CMSS1: variants seen among roughly 807,000 people sequenced by gnomAD.
CMSS1 encodes the protein cms1 ribosomal small subunit homolog.
CMSS1 carries 33 observed loss-of-function variants against 43.5 expected under a neutral mutation model. That is an observed-to-expected ratio of 0.76 (90% CI 0.57 to 1.01). CMSS1 has a LOEUF of 1.01. CMSS1 is among the 50% of genes least tolerant of loss of function. The pLI is 0.00. For missense variants in CMSS1, 313 were observed against 326.4 expected (o/e 0.96, Z 0.32); for synonymous variants, 115 against 117.2 (o/e 0.98, Z 0.12).
chr3:99,985,493 G>C (rs926496585), intron 1 of CMSS1, among the ~76,000 whole-genome samples: 2 of 151,998 alleles, frequency 1.3e-5, no homozygotes, highest in Non-Finnish European at 2.9e-5. Context: ...GCAAGACCCT[G>C]TCTCAAAAAA....
rs537649887 is a variant in CMSS1, at chr3:99,964,517, A to C, written c.64+146474A>C. 2.6e-5 allele frequency: 4 copies of C among 152,414 alleles called. No homozygotes were observed. In the South Asian group the frequency reaches 8.4e-4, roughly 32 times the overall value. 9.4% of individuals were successfully genotyped at this position (152,414 alleles called of 1,614,324 possible). A position where few individuals can be genotyped will look rare whatever the true frequency, so the allele number is the denominator to read the frequency against. The stretch of plus-strand genomic sequence containing the variant: ...AGGGCTCAGAGCTAGGTAGTGAGAA[A>C]GCCTGTGCCAAAACCCAAATCTCAT... On this transcript the variant is annotated intron_variant, in intron 1 of 9. Coordinates refer to ENST00000421999, the MANE Select transcript of CMSS1 (RefSeq NM_032359.4).
At chr3:99,975,078 G>C (rs535808040) in intron 1 of CMSS1, among the ~76,000 whole-genome samples, 2 of 152,282 alleles carry the variant, frequency 1.3e-5, no homozygotes, top group African/African-American at 4.8e-5. Flanking sequence ...ACTATACTGA[G>C]CATCTTAGAT....
At chr3:100,167,673 T>G in intron 5 of CMSS1, 65 bp from the exon 6 acceptor site, 1 of 941,042 alleles carries the variant, frequency 1.1e-6, no homozygotes, top group South Asian at 1.6e-5. Flanking sequence ...GAAGAAATGC[T>G]CAACTTGGGA....
intron 1 of CMSS1, among the ~76,000 whole-genome samples, chr3:99,844,733 T>C (rs1183862208): frequency 6.6e-6 from 1 of 152,172 alleles, no homozygotes; most frequent in Non-Finnish European, 1.5e-5. Context: ...CTCACCCAAA[T>C]CTCCTAACTG....
At chr3:100,091,297 A>G (rs908305309) in intron 1 of CMSS1, among the ~76,000 whole-genome samples, 6 of 151,902 alleles carry the variant, frequency 3.9e-5, no homozygotes, top group South Asian at 2.1e-4. Flanking sequence ...AAAAAAAAAA[A>G]AAAAAGAAAA....
At chr3:100,041,212 A>G (rs1390942005) in intron 1 of CMSS1, 2 of 152,136 alleles carry the variant, frequency 1.3e-5, no homozygotes, top group Non-Finnish European at 2.9e-5. Flanking sequence ...CAAACAAGCT[A>G]TGGAATCTAC....
At chr3:100,102,199 G>A (rs969158990) in intron 1 of CMSS1, among the ~76,000 whole-genome samples, 113 of 152,164 alleles carry the variant, frequency 7.4e-4, no homozygotes, top group African/African-American at 2.1e-3. Context: ...TCACCACACC[G>A]ACTTCCACAA....
intron 1 of CMSS1, among the ~76,000 whole-genome samples, chr3:99,841,007 G>A (rs1379144259): frequency 1.3e-5 from 2 of 152,210 alleles, no homozygotes; most frequent in African/African-American, 2.4e-5. Context: ...AGGTTAATAA[G>A]CTCTTCAAGG....
At position 100,181,585 on chromosome 3, in the gene CMSS1, A is replaced by G. The variant is rs1207675592; in HGVS notation, c.*3197A>G. 1.3e-5 allele frequency: 2 copies of G among 152,244 alleles called. No homozygotes were observed. The highest frequency in any genetic ancestry group is 2.9e-5 in the Non-Finnish European group (2 of 68,038). 9.4% of individuals were successfully genotyped at this position (152,244 alleles called of 1,614,324 possible). On this transcript the variant is annotated 3_prime_UTR_variant, in exon 10 of 10. Coordinates refer to ENST00000421999, the MANE Select transcript of CMSS1 (RefSeq NM_032359.4). ...TGTATCTTTTTGGTTTCTTCAGACC[A>G]GTGACAGTTCCTCAGTATTTCCCTG...
chr3:100,150,617 T>C (rs1449522957), intron 2 of CMSS1, among the ~76,000 whole-genome samples: 1 of 152,230 alleles, frequency 6.6e-6, no homozygotes, highest in African/African-American at 2.4e-5. Context: ...TTTATAACTT[T>C]AAAGTTTTTA....
intron 1 of CMSS1, among the ~76,000 whole-genome samples, chr3:99,939,543 T>G (rs1208742211): frequency 6.6e-6 from 1 of 152,216 alleles, no homozygotes; most frequent in Non-Finnish European, 1.5e-5. Flanking sequence ...ATGCATGGAA[T>G]TGGGTATAAT....
intron 1 of CMSS1, among the ~76,000 whole-genome samples, chr3:100,076,065 T>G (rs891861113): frequency 4.6e-5 from 7 of 152,228 alleles, no homozygotes; most frequent in African/African-American, 1.7e-4. Flanking sequence ...TACATGGCTT[T>G]GGGCAGGGCT....
chr3:100,143,474 C>T (rs1306403430), intron 1 of CMSS1, among the ~76,000 whole-genome samples: 1 of 152,198 alleles, frequency 6.6e-6, no homozygotes, highest in Non-Finnish European at 1.5e-5. Context: ...AGAATATAGT[C>T]TGTCTTGGTA....
chr3:100,118,114 G>T (rs908854488), intron 1 of CMSS1, among the ~76,000 whole-genome samples: 3 of 151,188 alleles, frequency 2.0e-5, no homozygotes, highest in African/African-American at 7.3e-5. Flanking sequence ...TGTTTAATGG[G>T]TGTAGAATTT....
Position 99,818,034 on chromosome 3 carries a change from A to G in CMSS1, c.55A>G (p.Ser19Gly). The G allele has an allele frequency of 6.2e-7, 1 of 1,613,774 alleles. No homozygotes were observed. ...WWENQPTGAG[S>G]SPEASDGEGE... ...GGAGAACCAGCCGACTGGAGCAGGC[A>G]GCAGCCCAGGTACCCACTCTGTGCC... Residue 19 changes from serine (S) to glycine (G), a missense_variant, in exon 1 of 10, where the codon AGC becomes GGC. By Grantham distance (56) the Ser-to-Gly change is moderately conservative (BLOSUM62 0). Coordinates refer to ENST00000421999, the MANE Select transcript of CMSS1 (RefSeq NM_032359.4).
chr3:100,006,655 C>CA (rs201648197), intron 1 of CMSS1, among the ~76,000 whole-genome samples: 13,702 of 133,782 alleles, frequency 0.1, 742 homozygotes, highest in East Asian at 0.21. Context: ...CTTTTCTTTC[C>CA]AAAAAAAAAA....
At chr3:99,918,183 G>A (rs1024698640) in intron 1 of CMSS1, among the ~76,000 whole-genome samples, 2 of 152,034 alleles carry the variant, frequency 1.3e-5, no homozygotes, top group African/African-American at 4.8e-5. Context: ...TCACCATTTT[G>A]GCCAGGCTGG....
chr3:99,959,436 C>T (rs1002302022), intron 1 of CMSS1, among the ~76,000 whole-genome samples: 5 of 152,338 alleles, frequency 3.3e-5, no homozygotes, highest in African/African-American at 1.2e-4. Context: ...AGGCGTGAGC[C>T]ACCGGGCCTG....
chr3:100,060,837 G>A (rs921270205), intron 1 of CMSS1, among the ~76,000 whole-genome samples: 2 of 152,102 alleles, frequency 1.3e-5, no homozygotes, highest in African/African-American at 4.8e-5. Flanking sequence ...ACTCCATCCT[G>A]GGCAATAGAG....
Sources: gnomAD v4.1 joint callset for allele counts (sites outside exome capture counted in the v4.1 genomes callset) on GRCh38, gnomAD v4.1.1 for gene constraint, MANE v1.5 for transcripts, NCBI Gene and HGNC (gene_info 2026-07-23, HGNC 2026-07-21) for gene names.